The following SLC20A2 variants were observed in gnomAD, a reference collection of about 807,000 sequenced individuals.
SLC20A2 encodes solute carrier family 20 member 2.
A neutral mutation model predicts 61.0 loss-of-function variants in SLC20A2; 30 were observed. The observed-to-expected ratio is 0.49, with a 90% CI of 0.37 to 0.67. SLC20A2 has a LOEUF of 0.67. SLC20A2 is among the 30% of genes least tolerant of loss of function. SLC20A2 has a pLI of 0.00. For missense variants in SLC20A2, 626 were observed against 866.4 expected (o/e 0.72, Z 3.48); for synonymous variants, 351 against 353.3 (o/e 0.99, Z 0.07).
At chr8:42,458,304 A>G (rs1330496550) in intron 5 of SLC20A2, among the ~76,000 whole-genome samples, 2 of 152,206 alleles carry the variant, frequency 1.3e-5, no homozygotes, top group Non-Finnish European at 2.9e-5. Context: ...ACATAAGCTT[A>G]TTCATTTTCC....
intron 8 of SLC20A2, among the ~76,000 whole-genome samples, chr8:42,435,327 G>C (rs947357555): frequency 6.6e-6 from 1 of 152,102 alleles, no homozygotes; most frequent in Non-Finnish European, 1.5e-5. Context: ...GACAGAAGAC[G>C]ACAACGGCAC....
chr8:42,505,892 G>GA (rs199886823), upstream of SLC20A2, among the ~76,000 whole-genome samples: 2,030 of 142,228 alleles, frequency 0.014, 48 homozygotes, highest in South Asian at 0.09. Flanking sequence ...CTATCTCAAA[G>GA]AAAAAAAAAA....
chr8:42,465,451 T>C (rs1242647968), intron 3 of SLC20A2, among the ~76,000 whole-genome samples: 4 of 151,610 alleles, frequency 2.6e-5, no homozygotes, highest in Non-Finnish European at 4.4e-5. Flanking sequence ...CCTGGCTCTT[T>C]GGGAGGCTAA....
Position 42,436,978 on chromosome 8 carries a change from A to T in SLC20A2, c.1523+11T>A. 6.3e-7 allele frequency: 1 copy of T among 1,579,610 alleles called. No individual in the cohort carries two copies. Among genetic ancestry groups the T allele is most frequent in the Non-Finnish European group, 8.6e-7 (1 of 1,162,032 alleles). ...AGGACCCTTGTTGAATGAATGAATG[A>T]AAGCACCCACCTCACGTCATTGCCG... On this transcript the variant is annotated intron_variant, in intron 8 of 10. Coordinates refer to ENST00000520262, the MANE Select transcript of SLC20A2 (RefSeq NM_001257180.2).
chr8:42,465,841 A>G lies in SLC20A2; in HGVS notation c.366T>C (p.Thr122=). The change falls in exon 3 of 11, where the codon ACT becomes ACC. Residue 122 remains threonine, a synonymous_variant. Transcript: ENST00000520262. ...ISGTHCIVGS[T]IGFSLVAIGT... ...CGATTGCGACCAGTGAGAATCCTAT[A>G]GTAGAACCCACAATGCAGTGCGTTC... 4 of 1,614,064 alleles carry G rather than the reference A, an allele frequency of 2.5e-6. No homozygotes were observed. Among genetic ancestry groups the G allele is most frequent in the Non-Finnish European group, 3.4e-6 (4 of 1,179,982 alleles).
At chr8:42,514,710 A>G (rs1321956911) in intron 1 of SLC20A2, among the ~76,000 whole-genome samples, 4 of 151,584 alleles carry the variant, frequency 2.6e-5, no homozygotes, top group Admixed American at 6.6e-5. Flanking sequence ...GTGAGCTGAG[A>G]TCACACCACT....
intron 1 of SLC20A2, among the ~76,000 whole-genome samples, chr8:42,526,577 C>G (rs563204724): frequency 1.3e-4 from 20 of 151,090 alleles, no homozygotes; most frequent in South Asian, 2.1e-4. Context: ...GGAGGCTGAG[C>G]CAGGAGAATG....
intron 1 of SLC20A2, among the ~76,000 whole-genome samples, chr8:42,523,486 G>A (rs1431751598): frequency 1.3e-5 from 2 of 152,018 alleles, no homozygotes; most frequent in African/African-American, 4.8e-5. Flanking sequence ...TTTGAGACAG[G>A]GCTAGTATCT....
intron 7 of SLC20A2, 106 bp downstream of exon 7, chr8:42,439,344 C>A (rs879766806): frequency 9.5e-5 from 96 of 1,015,104 alleles, no homozygotes; most frequent in Admixed American, 2.2e-4. Context: ...ACTGGGGGAT[C>A]CTTTTGTGCA....
chr8:42,511,115 T>G (rs536083617), intron 1 of SLC20A2, among the ~76,000 whole-genome samples: 33 of 152,088 alleles, frequency 2.2e-4, no homozygotes, highest in African/African-American at 7.5e-4. Context: ...AGCTTCACTG[T>G]GAATAATTTC....
intron 5 of SLC20A2, among the ~76,000 whole-genome samples, chr8:42,447,319 C>A (rs754108346): frequency 2.7e-5 from 4 of 150,536 alleles, no homozygotes; most frequent in Non-Finnish European, 5.9e-5. Context: ...GAACTCCAGC[C>A]TGGGCAACAG....
intron 1 of SLC20A2, among the ~76,000 whole-genome samples, chr8:42,487,404 C>G (rs1268707351): frequency 2.0e-5 from 3 of 150,736 alleles, no homozygotes; most frequent in South Asian, 4.2e-4. Context: ...GTCTCGATCT[C>G]CTGACCTCAT....
At chr8:42,479,596 T>A (rs1453606015) in intron 1 of SLC20A2, among the ~76,000 whole-genome samples, 1 of 151,718 alleles carries the variant, frequency 6.6e-6, no homozygotes, top group East Asian at 1.9e-4. Context: ...AGGCCTGAGG[T>A]GGGACCATCA....
intron 5 of SLC20A2, among the ~76,000 whole-genome samples, chr8:42,455,096 G>A (rs1806043341): frequency 1.3e-5 from 2 of 151,278 alleles, no homozygotes; most frequent in Admixed American, 1.3e-4. Context: ...GTGGTGGCGT[G>A]CGTCTTGTAG....
rs1804372245 is a variant in SLC20A2, at chr8:42,437,473, C to T, written c.1039G>A (p.Val347Met). Residue 347 changes from valine (V) to methionine (M), a missense_variant, in exon 8 of 11, where the codon GTG becomes ATG. Val to Met is a conservative substitution (Grantham distance 21). This residue lies in a region of SLC20A2 where 361 missense variants were observed against 422.3 expected (regional missense o/e 0.85). Transcript: ENST00000520262. The surrounding 1 kb of genome is among the most constrained non-coding windows in gnomAD (Gnocchi z 6.4). ...TTGTAGAGCCCCGAGTCTTTGTGCA[C>T]GGTGTGGTACACATGACCGTCGCTC... is the stretch of plus-strand genomic sequence containing the variant. ...TRSDGHVYHT[V>M]HKDSGLYKDL... The T allele has an allele frequency of 4.3e-6, 7 of 1,614,080 alleles. No individual in the cohort carries two copies. The highest frequency in any genetic ancestry group is 5.9e-6 in the Non-Finnish European group (7 of 1,180,022).
chr8:42,484,749 A>G (rs1014642652), intron 1 of SLC20A2: 1 of 352,580 alleles, frequency 2.8e-6, no homozygotes, highest in Non-Finnish European at 5.6e-6. Context: ...AGAGAGCCTG[A>G]CTTGGGAGGG....
intron 2 of SLC20A2, among the ~76,000 whole-genome samples, chr8:42,469,453 C>A (rs565597500): frequency 1.0e-3 from 154 of 152,254 alleles, no homozygotes; most frequent in Non-Finnish European, 1.8e-3. Flanking sequence ...AGTAAAGAGC[C>A]AAACGCCAGG....
intron 10 of SLC20A2, among the ~76,000 whole-genome samples, chr8:42,427,959 T>C (rs990144557): frequency 6.6e-5 from 10 of 152,232 alleles, no homozygotes; most frequent in Non-Finnish European, 7.3e-5. Flanking sequence ...AAAGTGACTT[T>C]CGCTTTGTTG....
At chr8:42,441,400 C>T (rs970193128) in intron 6 of SLC20A2, among the ~76,000 whole-genome samples, 1 of 151,730 alleles carries the variant, frequency 6.6e-6, no homozygotes, top group Non-Finnish European at 1.5e-5. Context: ...GATCCGCCCA[C>T]CTCGGCCTCC....
Sources: gnomAD v4.1 joint callset for allele counts (sites outside exome capture counted in the v4.1 genomes callset) on GRCh38, gnomAD v4.1.1 for gene constraint, gnomAD v4.1.1 regional missense constraint, Gnocchi (gnomAD v3.1) non-coding constraint, MANE v1.5 for transcripts, NCBI Gene and HGNC (gene_info 2026-07-23, HGNC 2026-07-21) for gene names.